The following TMBIM4 variants were observed in gnomAD, a reference collection of about 807,000 sequenced individuals.
TMBIM4 encodes transmembrane BAX inhibitor motif containing 4.
A neutral mutation model predicts 27.7 loss-of-function variants in TMBIM4; 28 were observed. That is an observed-to-expected ratio of 1.01 (90% CI 0.75 to 1.38). The LOEUF is 1.38. Ranked by LOEUF, TMBIM4 falls within the 40% of genes most tolerant of loss-of-function variation. The probability of loss-of-function intolerance (pLI) is 0.00; values close to 1 mark genes in which losing one functional copy is unlikely to be tolerated. For missense variants in TMBIM4, 265 were observed against 277.5 expected, an observed-to-expected ratio of 0.95 and a Z score of 0.32; for synonymous variants, 115 against 113.1, an observed-to-expected ratio of 1.02 and a Z score of -0.11.
rs1196074952 is a variant in TMBIM4, at chr12:66,136,568, T to C, written c.*1392A>G. 2 of 152,806 alleles carry C rather than the reference T, an allele frequency of 1.3e-5. No individual in the cohort carries two copies. Among genetic ancestry groups the C allele is most frequent in the Non-Finnish European group, 2.9e-5 (2 of 68,196 alleles). 9.5% of individuals were successfully genotyped at this position (152,806 alleles called of 1,614,324 possible). A position where few individuals can be genotyped will look rare whatever the true frequency, so the allele number is the denominator to read the frequency against. Reference sequence around the variant, plus strand: ...TGGAGATAGGTTTTGAAAGAGATAATTAAGGAAAAATGAGGTCCTCAGTGT... The same window carrying C: ...TGGAGATAGGTTTTGAAAGAGATAACTAAGGAAAAATGAGGTCCTCAGTGT... On this transcript the variant is annotated 3_prime_UTR_variant, in exon 7 of 7. Transcript: ENST00000358230.
At chr12:66,154,694 T>G (rs938950270) in intron 1 of TMBIM4, among the ~76,000 whole-genome samples, 6 of 152,174 alleles carry the variant, frequency 3.9e-5, no homozygotes. Context: ...ATGTTCCTTT[T>G]GAAAAACATT....
chr12:66,148,571 ATTTG>A (rs1286789143), intron 3 of TMBIM4, among the ~76,000 whole-genome samples: 1 of 152,024 alleles, frequency 6.6e-6, no homozygotes, highest in East Asian at 1.9e-4. Context: ...TCCTCTTCTC[ATTTG>A]TTTGTATTAA....
intron 1 of TMBIM4, among the ~76,000 whole-genome samples, chr12:66,166,219 C>T (rs534377216): frequency 6.6e-6 from 1 of 152,132 alleles, no homozygotes; most frequent in Non-Finnish European, 1.5e-5. Context: ...AATCCCGGCA[C>T]TTTCGGAGGC....
chr12:66,168,546 A>T (rs904780301), intron 1 of TMBIM4, among the ~76,000 whole-genome samples: 1 of 152,206 alleles, frequency 6.6e-6, no homozygotes, highest in Non-Finnish European at 1.5e-5. Flanking sequence ...TAACCTAGTA[A>T]ACAGGCTGTA....
intron 5 of TMBIM4, chr12:66,138,995 C>T: frequency 4.2e-6 from 2 of 475,034 alleles, no homozygotes; most frequent in South Asian, 7.0e-5. Context: ...TTATGGTATA[C>T]AAACCTAGTT....
chr12:66,140,999 A>G (rs2051659379), intron 5 of TMBIM4, among the ~76,000 whole-genome samples: 1 of 152,156 alleles, frequency 6.6e-6, no homozygotes, highest in African/African-American at 2.4e-5. Flanking sequence ...ACTGAAAGCA[A>G]GAAAAAAAAC....
At chr12:66,139,952 A>G (rs2136843644) in intron 5 of TMBIM4, among the ~76,000 whole-genome samples, 1 of 152,270 alleles carries the variant, frequency 6.6e-6, no homozygotes, top group South Asian at 2.1e-4. Flanking sequence ...CCCCTAAGCT[A>G]AAAGCTGTTC....
At position 66,151,097 on chromosome 12, in the gene TMBIM4, C is replaced by G. The variant is rs1413059871; in HGVS notation, c.312+1174G>C. Among the ~76,000 whole-genome samples, 3 of 152,198 alleles carry G rather than the reference C, an allele frequency of 2.0e-5. No homozygotes were observed. The East Asian group carries it at 5.8e-4, about 29-fold the overall frequency. On this transcript the variant is annotated intron_variant, in intron 3 of 6. Transcript: ENST00000358230. ...AGAGCTTAAGATTTAAATGAATAAT[C>G]TTTCCTATTACTGAAACTTTCAAAG...
chr12:66,158,086 C>T (rs34406211), intron 1 of TMBIM4, among the ~76,000 whole-genome samples: 11,028 of 151,488 alleles, frequency 0.073, 817 homozygotes, highest in East Asian at 0.44. Flanking sequence ...CTTAGCTGGG[C>T]GTGGTGGCGG....
At chr12:66,166,464 C>CAAAAAAAA (rs59822799) in intron 1 of TMBIM4, among the ~76,000 whole-genome samples, 62 of 100,626 alleles carry the variant, frequency 6.2e-4, no homozygotes, top group African/African-American at 2.1e-3. Context: ...TACTTTGTCT[C>CAAAAAAAA]AAAAAAAAAA....
intron 1 of TMBIM4, among the ~76,000 whole-genome samples, chr12:66,154,403 C>A (rs1200707727): frequency 1.3e-5 from 2 of 152,212 alleles, no homozygotes; most frequent in Non-Finnish European, 2.9e-5. Context: ...TCCTTACCCC[C>A]ACCACTCAGC....
chr12:66,168,329 C>G (rs565406629), intron 1 of TMBIM4, among the ~76,000 whole-genome samples: 4 of 151,770 alleles, frequency 2.6e-5, no homozygotes, highest in African/African-American at 9.7e-5. Context: ...CTGATTGTAT[C>G]TAGAGTAGCC....
chr12:66,145,600 ATTTTT>A (rs35000393), intron 5 of TMBIM4, among the ~76,000 whole-genome samples: 1 of 148,942 alleles, frequency 6.7e-6, no homozygotes, highest in African/African-American at 2.5e-5. Flanking sequence ...TGGAAAGCTT[ATTTTT>A]TTTTTTAATT....
At chr12:66,162,669 C>T (rs550892922) in intron 1 of TMBIM4, among the ~76,000 whole-genome samples, 1 of 152,212 alleles carries the variant, frequency 6.6e-6, no homozygotes, top group Non-Finnish European at 1.5e-5. Context: ...CAAAGTGATA[C>T]ATAACATTGT....
chr12:66,139,910 C>T (rs150106576), intron 5 of TMBIM4, among the ~76,000 whole-genome samples: 2 of 152,254 alleles, frequency 1.3e-5, no homozygotes, highest in East Asian at 3.9e-4. Flanking sequence ...CTGAAGGGTA[C>T]TGTCTCAGCA....
Position 66,169,878 on chromosome 12 carries a change from G to A in TMBIM4, c.74C>T (p.Ser25Phe), listed in dbSNP as rs200879651. The change falls in exon 1 of 7, where the codon TCC (serine) becomes TTC (phenylalanine). Residue 25 changes from serine (S) to phenylalanine (F), a missense_variant. Coordinates refer to ENST00000358230, the MANE Select transcript of TMBIM4 (RefSeq NM_016056.4). The part of the protein sequence containing the change: ...DDFNYGSSVA[S>F]ATVHIRMAFL... ...ACCCATTCGGATGTGCACGGTGGCG[G>A]AGGCCACGCTGCTGCCATAGTTGAA... 4.7e-4 allele frequency: 703 copies of A among 1,505,420 alleles called. 4 individuals carry two copies. The highest frequency in any genetic ancestry group is 4.3e-3 in the Middle Eastern group (25 of 5,862). The allele number at this position is 1,505,420 out of a possible 1,614,324, so 93.3% of individuals were successfully genotyped here.
At chr12:66,163,955 C>T (rs1221786407) in intron 1 of TMBIM4, among the ~76,000 whole-genome samples, 2 of 152,160 alleles carry the variant, frequency 1.3e-5, no homozygotes, top group East Asian at 3.8e-4. Flanking sequence ...CAGAATTCAA[C>T]AGCACATTAA....
chr12:66,153,435 T>C lies in TMBIM4; in HGVS notation c.111A>G (p.Lys37=), dbSNP rs775709024. 1.3e-6 allele frequency: 2 copies of C among 1,580,282 alleles called. No individual in the cohort carries two copies. Among genetic ancestry groups the C allele is most frequent in the Non-Finnish European group, 1.7e-6 (2 of 1,166,148 alleles). ...TVHIRMAFLR[K]VYSILSLQVL... ...CCTGCAGAGAAAGAATGCTGTAGAC[T>C]TTTCTCAGAAAGGCTAAAAGAGAAA... Residue 37 remains lysine (K), a synonymous_variant, in exon 2 of 7, where the codon AAA becomes AAG. Coordinates refer to ENST00000358230, the MANE Select transcript of TMBIM4 (RefSeq NM_016056.4).
At chr12:66,146,429 C>T (rs1201037324) in intron 4 of TMBIM4, among the ~76,000 whole-genome samples, 1 of 152,132 alleles carries the variant, frequency 6.6e-6, no homozygotes, top group Non-Finnish European at 1.5e-5. Context: ...GGTTTATCAG[C>T]CCAAATCAAG....
Sources: gnomAD v4.1 joint callset for allele counts (sites outside exome capture counted in the v4.1 genomes callset) on GRCh38, gnomAD v4.1.1 for gene constraint, MANE v1.5 for transcripts, NCBI Gene and HGNC (gene_info 2026-07-23, HGNC 2026-07-21) for gene names.